Variants in RBFOX1 observed in about 807,000 individuals in gnomAD.
The protein encoded by RBFOX1 is RNA binding protein fox-1 homolog 1.
Under a neutral mutation model 57.7 loss-of-function variants are expected in RBFOX1, and 8 were observed. That is an observed-to-expected ratio of 0.14 (90% CI 0.08 to 0.25). The LOEUF is 0.25. RBFOX1 is among the 10% of genes least tolerant of loss of function. The pLI, the probability that RBFOX1 is intolerant of heterozygous loss-of-function variation, is 1.00. For missense variants in RBFOX1, 611 were observed against 548.5 expected (o/e 1.11, Z -1.14); for synonymous variants, 326 against 222.4 (o/e 1.47, Z -4.15).
intron 4 of RBFOX1, among the ~76,000 whole-genome samples, chr16:5,889,270 C>T (rs903396539): frequency 5.9e-5 from 9 of 152,244 alleles, no homozygotes; most frequent in African/African-American, 1.4e-4. Context: ...TGCCATTCCT[C>T]CCCATGTGTT....
At chr16:7,071,298 T>C (rs2057284858) in intron 4 of RBFOX1, among the ~76,000 whole-genome samples, 1 of 151,938 alleles carries the variant, frequency 6.6e-6, no homozygotes, top group Non-Finnish European at 1.5e-5. Context: ...TGGTAGGTGG[T>C]GTGAAAAGGT....
At chr16:7,678,084 G>C (rs2073849412) in intron 14 of RBFOX1, among the ~76,000 whole-genome samples, 2 of 152,144 alleles carry the variant, frequency 1.3e-5, no homozygotes, top group Admixed American at 1.3e-4. Flanking sequence ...ATGGCTCTTT[G>C]GCAAGATGGA....
At chr16:6,511,350 G>A (rs906802310) in intron 2 of RBFOX1, among the ~76,000 whole-genome samples, 2 of 152,114 alleles carry the variant, frequency 1.3e-5, no homozygotes, top group African/African-American at 2.4e-5. Flanking sequence ...CTTTTTCTTA[G>A]TGTCTATCAT....
At chr16:6,770,872 C>T (rs1470106214) in intron 3 of RBFOX1, among the ~76,000 whole-genome samples, 2 of 152,132 alleles carry the variant, frequency 1.3e-5, no homozygotes, top group Non-Finnish European at 2.9e-5. Flanking sequence ...ATGGATAATG[C>T]AACACAGTTG....
chr16:5,905,193 G>A (rs1042354660), intron 4 of RBFOX1, among the ~76,000 whole-genome samples: 1 of 148,978 alleles, frequency 6.7e-6, no homozygotes, highest in Non-Finnish European at 1.5e-5. Flanking sequence ...TCAGCCTCAC[G>A]AGTAGCTGGG....
chr16:6,376,928 G>C (rs2091247691), intron 2 of RBFOX1, among the ~76,000 whole-genome samples: 1 of 151,910 alleles, frequency 6.6e-6, no homozygotes, highest in Admixed American at 6.6e-5. Context: ...GTATCACATA[G>C]CCTTCCCTGT....
chr16:5,354,449 G>A (rs965964978), intron 1 of RBFOX1, among the ~76,000 whole-genome samples: 4 of 152,166 alleles, frequency 2.6e-5, no homozygotes, highest in East Asian at 1.9e-4. Flanking sequence ...GCCAAGCCCC[G>A]GTTTTCTTGT....
chr16:6,836,377 C>A, intron 3 of RBFOX1, among the ~76,000 whole-genome samples: 1 of 152,172 alleles, frequency 6.6e-6, no homozygotes, highest in East Asian at 1.9e-4. Context: ...GCAACAGAAG[C>A]AACCAGAAAC....
intron 4 of RBFOX1, among the ~76,000 whole-genome samples, chr16:7,154,621 T>C (rs2076722834): frequency 1.3e-5 from 2 of 151,784 alleles, no homozygotes; most frequent in African/African-American, 4.8e-5. Context: ...TAGTGGGCAG[T>C]TGTAAGAAAA....
rs773503929 is a variant in RBFOX1 at position 7,653,987 on chromosome 16, G to GCCCT, written c.890+48_890+51dup. 1.2e-5 allele frequency: 18 copies of GCCCT among 1,453,360 alleles called. No individual in the cohort carries two copies. In the South Asian group the frequency reaches 2.5e-4, roughly 20 times the overall value. The allele number at this position is 1,453,360 out of a possible 1,614,324, so 90.0% of individuals were successfully genotyped here. On this transcript the variant is annotated intron_variant, in intron 12 of 15. Coordinates refer to ENST00000550418, the MANE Select transcript of RBFOX1 (RefSeq NM_018723.4). ...CTCCTGGGTGGGCCTCCCTGCACCA[G>GCCCT]CCCTCCCTCCCCAGAGGCACGGAGC...
At chr16:5,813,081 C>T (rs2055492631) in intron 3 of RBFOX1, among the ~76,000 whole-genome samples, 1 of 149,650 alleles carries the variant, frequency 6.7e-6, no homozygotes, top group African/African-American at 2.5e-5. Context: ...AATCTTGGCT[C>T]ACTGCAACCT....
chr16:7,429,842 T>C (rs1320617306), intron 4 of RBFOX1, among the ~76,000 whole-genome samples: 1 of 152,228 alleles, frequency 6.6e-6, no homozygotes, highest in African/African-American at 2.4e-5. Context: ...CTCCAACTAA[T>C]AATTATTGAG....
rs2096912567 is a variant in RBFOX1, at chr16:6,165,757, T to G, written c.-127+145765T>G. On this transcript the variant is annotated intron_variant, in intron 1 of 15. Transcript: ENST00000550418. The stretch of plus-strand genomic sequence containing the variant: ...AATGCTCTCCTCATTTTTGTTCAGC[T>G]CCTTCAGGAGTTAACAATTGCTAAG... Among the ~76,000 whole-genome samples, 10 of 152,192 alleles carry G rather than the reference T, an allele frequency of 6.6e-5. No homozygotes were observed. In the South Asian group the frequency reaches 2.1e-3, roughly 32 times the overall value.
At chr16:7,068,148 A>G (rs1168541995) in intron 4 of RBFOX1, among the ~76,000 whole-genome samples, 3 of 151,918 alleles carry the variant, frequency 2.0e-5, no homozygotes, top group Non-Finnish European at 4.4e-5. Context: ...TAATCTCCCT[A>G]TTTTAAGATC....
At chr16:6,111,869 G>A (rs983623096) in intron 1 of RBFOX1, among the ~76,000 whole-genome samples, 1 of 152,290 alleles carries the variant, frequency 6.6e-6, no homozygotes, top group Admixed American at 6.5e-5. Context: ...TTGACAAAAA[G>A]GGGTAAGTGT....
intron 3 of RBFOX1, among the ~76,000 whole-genome samples, chr16:6,984,054 T>A (rs2089652146): frequency 6.6e-6 from 1 of 152,052 alleles, no homozygotes; most frequent in African/African-American, 2.4e-5. Context: ...TCAAGACCTG[T>A]CTGATCAACA....
At chr16:7,224,466 T>G (rs995990329) in intron 4 of RBFOX1, among the ~76,000 whole-genome samples, 1 of 151,960 alleles carries the variant, frequency 6.6e-6, no homozygotes, top group Non-Finnish European at 1.5e-5. Flanking sequence ...TTCTCAGTCT[T>G]GGCTGCAAAT....
At chr16:6,475,543 T>C (rs931675113) in intron 2 of RBFOX1, among the ~76,000 whole-genome samples, 7 of 152,186 alleles carry the variant, frequency 4.6e-5, no homozygotes, top group African/African-American at 1.7e-4. Flanking sequence ...CAGCAACCAA[T>C]ATAGAGCTAA....
At chr16:6,237,202 G>A (rs74005011) in intron 1 of RBFOX1, among the ~76,000 whole-genome samples, 137 of 152,238 alleles carry the variant, frequency 9.0e-4, no homozygotes, top group African/African-American at 2.0e-3. Flanking sequence ...TATAAATTTC[G>A]TTAGGTATTT....
Sources: gnomAD v4.1 joint callset for allele counts (sites outside exome capture counted in the v4.1 genomes callset) on GRCh38, gnomAD v4.1.1 for gene constraint, MANE v1.5 for transcripts, NCBI Gene and HGNC (gene_info 2026-07-23, HGNC 2026-07-21) for gene names.